Variants in GRIA1 observed in about 807,000 individuals in gnomAD.
The protein encoded by GRIA1 is glutamate receptor 1.
A neutral mutation model predicts 99.2 loss-of-function variants in GRIA1; 31 were observed. That is an observed-to-expected ratio of 0.31 (90% CI 0.23 to 0.42). The LOEUF is 0.42. Among genes scored for constraint, GRIA1 ranks in the 10% least tolerant of loss-of-function variants. The pLI is 1.00. For synonymous variants in GRIA1, 438 were observed against 432.4 expected, an observed-to-expected ratio of 1.01 and a Z score of -0.16; for missense variants, 782 against 1,157.5, an observed-to-expected ratio of 0.68 and a Z score of 4.71.
At chr5:153,610,666 C>A (rs895487585) in intron 2 of GRIA1, among the ~76,000 whole-genome samples, 1 of 152,136 alleles carries the variant, frequency 6.6e-6, no homozygotes, top group African/African-American at 2.4e-5. Flanking sequence ...AGCATTGTAA[C>A]CTTGGGCAAG....
chr5:153,787,062 T>A (rs554163207), intron 13 of GRIA1, among the ~76,000 whole-genome samples: 1 of 152,362 alleles, frequency 6.6e-6, no homozygotes, highest in African/African-American at 2.4e-5. Context: ...CAACATTCTG[T>A]CCTTTGCCTT....
chr5:153,701,619 C>CAAAAAAAAAAAGAAAAAAAAAA (rs1758526886), intron 10 of GRIA1, among the ~76,000 whole-genome samples: 1 of 39,426 alleles, frequency 2.5e-5, no homozygotes, highest in Non-Finnish European at 4.5e-5. Flanking sequence ...AGACCCGTCT[C>CAAAAAAAAAAAGAAAAAAAAAA]AAAAAAAAAA....
chr5:153,577,873 A>G (rs2055080), intron 2 of GRIA1, among the ~76,000 whole-genome samples: 16,101 of 152,046 alleles, frequency 0.11, 933 homozygotes, highest in South Asian at 0.25. Flanking sequence ...AAGATTCCCC[A>G]GGCACAGTGG....
chr5:153,695,595 C>T (rs1427647398), intron 8 of GRIA1, among the ~76,000 whole-genome samples: 1 of 152,210 alleles, frequency 6.6e-6, no homozygotes, highest in African/African-American at 2.4e-5. Flanking sequence ...CTCTGCGCCT[C>T]TGCTTCTCCC....
At chr5:153,655,041 C>A (rs1219035483) in intron 4 of GRIA1, among the ~76,000 whole-genome samples, 1 of 152,148 alleles carries the variant, frequency 6.6e-6, no homozygotes, top group East Asian at 1.9e-4. Flanking sequence ...AATGATTAAC[C>A]ATAATCAAAC....
At chr5:153,653,600 G>A (rs946263021) in intron 4 of GRIA1, among the ~76,000 whole-genome samples, 3 of 152,212 alleles carry the variant, frequency 2.0e-5, no homozygotes, top group African/African-American at 4.8e-5. Context: ...AGGACCTGTT[G>A]AGGTTATCCA....
chr5:153,551,186 C>G (rs1321895133), intron 2 of GRIA1, among the ~76,000 whole-genome samples: 4 of 152,170 alleles, frequency 2.6e-5, no homozygotes. Context: ...TTTTCTGTAG[C>G]ATTCCCTACA....
intron 5 of GRIA1, among the ~76,000 whole-genome samples, chr5:153,674,201 C>T (rs1756402288): frequency 6.6e-6 from 1 of 152,230 alleles, no homozygotes; most frequent in Non-Finnish European, 1.5e-5. Context: ...ACCCCAACAA[C>T]CAGACCTCCA....
At chr5:153,647,879 T>A (rs990541845) in intron 3 of GRIA1, among the ~76,000 whole-genome samples, 5 of 152,320 alleles carry the variant, frequency 3.3e-5, no homozygotes, top group East Asian at 1.9e-4. Context: ...CCAATTTACA[T>A]CTGTAAATCC....
intron 2 of GRIA1, among the ~76,000 whole-genome samples, chr5:153,511,896 T>A (rs1384581616): frequency 6.6e-6 from 1 of 152,216 alleles, no homozygotes; most frequent in African/African-American, 2.4e-5. Context: ...GCTGCCATGC[T>A]TCTTTTCCTC....
intron 7 of GRIA1, among the ~76,000 whole-genome samples, chr5:153,682,902 A>G (rs1406913166): frequency 6.6e-6 from 1 of 152,238 alleles, no homozygotes; most frequent in Non-Finnish European, 1.5e-5. Flanking sequence ...CCAAGCAGGA[A>G]AGGAAATATA....
chr5:153,761,950 G>A (rs1340763584), intron 11 of GRIA1, among the ~76,000 whole-genome samples: 2 of 152,132 alleles, frequency 1.3e-5, no homozygotes, highest in Non-Finnish European at 2.9e-5. Context: ...TCACTTACAT[G>A]TGGAATCTAA....
At chr5:153,795,551 C>T (rs758559223) in intron 14 of GRIA1, 34 of 1,612,336 alleles carry the variant, frequency 2.1e-5, no homozygotes, top group Non-Finnish European at 2.7e-5. Flanking sequence ...AATGGTGGTA[C>T]GATAAAGGGG....
At chr5:153,745,889 A>ATCTT (rs1255610565) in intron 11 of GRIA1, among the ~76,000 whole-genome samples, 7 of 151,968 alleles carry the variant, frequency 4.6e-5, no homozygotes, top group Non-Finnish European at 5.9e-5. Context: ...TTCCCATGTC[A>ATCTT]TCTTTCACTT....
intron 2 of GRIA1, among the ~76,000 whole-genome samples, chr5:153,532,650 C>T (rs951115588): frequency 6.6e-6 from 1 of 152,174 alleles, no homozygotes; most frequent in Non-Finnish European, 1.5e-5. Flanking sequence ...GTGACACCCA[C>T]CAGGCTCACT....
chr5:153,754,813 T>G (rs929246148), intron 11 of GRIA1, among the ~76,000 whole-genome samples: 1 of 152,202 alleles, frequency 6.6e-6, no homozygotes, highest in Non-Finnish European at 1.5e-5. Flanking sequence ...TGCTGAGCAC[T>G]GGAGATACAA....
At chr5:153,679,132 T>C (rs1229124572) in intron 7 of GRIA1, among the ~76,000 whole-genome samples, 1 of 152,180 alleles carries the variant, frequency 6.6e-6, no homozygotes, top group African/African-American at 2.4e-5. Flanking sequence ...TGTGTGTGCC[T>C]GCCCTTCATC....
intron 2 of GRIA1, among the ~76,000 whole-genome samples, chr5:153,563,153 C>T (rs979170400): frequency 1.1e-4 from 17 of 148,370 alleles, no homozygotes; most frequent in African/African-American, 1.2e-4. Context: ...CCCAGATTGG[C>T]GACAGAGCGA....
chr5:153,619,504 G>A (rs1323936696), intron 2 of GRIA1, among the ~76,000 whole-genome samples: 2 of 152,092 alleles, frequency 1.3e-5, no homozygotes, highest in South Asian at 2.1e-4. Context: ...AGGATAATCA[G>A]GCAGTGACAT....
Sources: gnomAD v4.1 joint callset for allele counts (sites outside exome capture counted in the v4.1 genomes callset) on GRCh38, gnomAD v4.1.1 for gene constraint, MANE v1.5 for transcripts, NCBI Gene and HGNC (gene_info 2026-07-23, HGNC 2026-07-21) for gene names.